Variants in WDTC1 observed in about 807,000 individuals in gnomAD.
The protein encoded by WDTC1 is WD and tetratricopeptide repeats 1, also known as WD and tetratricopeptide repeats protein 1.
Under a neutral mutation model 76.0 loss-of-function variants are expected in WDTC1, and 12 were observed. That is an observed-to-expected ratio of 0.16 (90% confidence interval 0.10 to 0.26). The LOEUF (loss-of-function observed/expected upper bound fraction) is 0.26. WDTC1 is among the 10% of genes least tolerant of loss of function. The pLI is 1.00. For missense variants in WDTC1, 511 were observed against 908.8 expected (o/e 0.56, Z 5.63); for synonymous variants, 326 against 350.8 (o/e 0.93, Z 0.79).
At chr1:27,242,623 C>T (rs748056280) in intron 1 of WDTC1, among the ~76,000 whole-genome samples, 8 of 152,106 alleles carry the variant, frequency 5.3e-5, no homozygotes, top group Non-Finnish European at 8.8e-5. Context: ...GTATGCACCA[C>T]CACGCCTGGC....
chr1:27,299,802 A>G (rs1004660259), intron 12 of WDTC1, among the ~76,000 whole-genome samples: 1 of 152,000 alleles, frequency 6.6e-6, no homozygotes, highest in African/African-American at 2.4e-5. Flanking sequence ...GAGTCTAGGA[A>G]GGGTGAGCCC....
chr1:27,235,054 T>A, intron 1 of WDTC1, 103 bp downstream of exon 1: 1 of 335,610 alleles, frequency 3.0e-6, no homozygotes, highest in Non-Finnish European at 5.4e-6. Context: ...GCTCCAGCCC[T>A]GCCGGCCTGG....
chr1:27,284,777 A>C (rs1045639436), intron 5 of WDTC1, among the ~76,000 whole-genome samples: 7 of 152,024 alleles, frequency 4.6e-5, no homozygotes, highest in South Asian at 2.1e-4. Flanking sequence ...AAAAAAAAAA[A>C]AACAACCTGA....
At chr1:27,251,362 C>T (rs2012054194) in intron 1 of WDTC1, among the ~76,000 whole-genome samples, 2 of 152,062 alleles carry the variant, frequency 1.3e-5, no homozygotes, top group African/African-American at 4.8e-5. Context: ...GTAACATCTG[C>T]ATAGCAACTC....
chr1:27,286,381 A>T, intron 5 of WDTC1, among the ~76,000 whole-genome samples: 1 of 149,764 alleles, frequency 6.7e-6, no homozygotes. Flanking sequence ...CTATTGTCCA[A>T]CATTTGAGCT....
intron 9 of WDTC1, 95 bp from the exon 10 acceptor site, chr1:27,296,231 G>A: frequency 7.1e-7 from 1 of 1,403,178 alleles, no homozygotes; most frequent in Non-Finnish European, 1.0e-6. Context: ...TGTGTTCCAA[G>A]ACTCTAGTTC....
Position 27,239,050 on chromosome 1 carries a change from G to A in WDTC1, c.-100+4099G>A, listed in dbSNP as rs138783155. Among the ~76,000 whole-genome samples, 210 of 145,322 alleles carry A rather than the reference G, an allele frequency of 1.4e-3. 2 individuals are homozygous for A. The highest frequency in any genetic ancestry group is 5.0e-3 in the African/African-American group (195 of 39,084). On this transcript the variant is annotated intron_variant, in intron 1 of 15. Coordinates refer to ENST00000319394, the MANE Select transcript of WDTC1 (RefSeq NM_001276252.2). ...ACAGGGTAGATGGGAAGACAGGTGT[G>A]TGCCATCACGCCTGGCTAATTTTTT...
intron 1 of WDTC1, among the ~76,000 whole-genome samples, chr1:27,248,833 C>CT: frequency 6.6e-6 from 1 of 151,910 alleles, no homozygotes; most frequent in South Asian, 2.1e-4. Context: ...AATTTTTTAA[C>CT]TTTTTTTAGA....
At chr1:27,287,345 G>T (rs896771400) in intron 5 of WDTC1, among the ~76,000 whole-genome samples, 1 of 152,072 alleles carries the variant, frequency 6.6e-6, no homozygotes, top group African/African-American at 2.4e-5. Flanking sequence ...TATTACTGCT[G>T]AACCTCAAGG....
intron 1 of WDTC1, among the ~76,000 whole-genome samples, chr1:27,246,796 A>G (rs1251872666): frequency 6.6e-6 from 1 of 150,740 alleles, no homozygotes; most frequent in Non-Finnish European, 1.5e-5. Flanking sequence ...TCCTGACCTC[A>G]GGTGATCTGC....
chr1:27,266,973 CAAT>C (rs1171632185), intron 3 of WDTC1, among the ~76,000 whole-genome samples: 1 of 152,178 alleles, frequency 6.6e-6, no homozygotes. Context: ...AGTAGATGCT[CAAT>C]AAAAACCTGT....
chr1:27,287,718 C>G lies in WDTC1; in HGVS notation c.336C>G (p.Ala112=). ...ACCGCATCTTGATCACGGGGGCAGC[C>G]GACTCTAAGGTGCATGTGCACGACC... ...AGDRILITGA[A]DSKVHVHDLT... is the part of the protein sequence containing the mutation. Residue 112 remains alanine, a synonymous_variant, in exon 6 of 16, where the codon GCC becomes GCG. Coordinates refer to ENST00000319394, the MANE Select transcript of WDTC1 (RefSeq NM_001276252.2). 1 of 1,614,012 alleles carries G rather than the reference C, an allele frequency of 6.2e-7. No homozygotes were observed. The highest frequency in any genetic ancestry group is 8.5e-7 in the Non-Finnish European group (1 of 1,179,970).
chr1:27,248,658 T>G (rs1473314230), intron 1 of WDTC1, among the ~76,000 whole-genome samples: 1 of 152,140 alleles, frequency 6.6e-6, no homozygotes, highest in Non-Finnish European at 1.5e-5. Flanking sequence ...ACTTAAAAAC[T>G]TTTTATTATT....
At chr1:27,258,947 G>C (rs1168671362) in intron 1 of WDTC1, among the ~76,000 whole-genome samples, 1 of 152,194 alleles carries the variant, frequency 6.6e-6, no homozygotes, top group Non-Finnish European at 1.5e-5. Context: ...TCATTGGGAA[G>C]AAAGACTAAA....
intron 1 of WDTC1, among the ~76,000 whole-genome samples, chr1:27,251,699 T>C (rs1052604136): frequency 4.6e-5 from 7 of 152,074 alleles, no homozygotes; most frequent in African/African-American, 1.4e-4. Flanking sequence ...GGTGCATGCC[T>C]GTAGTCCTAG....
intron 7 of WDTC1, among the ~76,000 whole-genome samples, chr1:27,292,995 G>T (rs1306111875): frequency 6.8e-6 from 1 of 147,598 alleles, no homozygotes; most frequent in African/African-American, 2.5e-5. Context: ...CAGGTGATCT[G>T]CCCGCCTCGG....
At chr1:27,273,707 A>G (rs1437586639) in intron 3 of WDTC1, among the ~76,000 whole-genome samples, 1 of 152,150 alleles carries the variant, frequency 6.6e-6, no homozygotes, top group Non-Finnish European at 1.5e-5. Context: ...GTTAAATAAA[A>G]GAATGACCAA....
rs550434183 is a variant in WDTC1 at position 27,303,979 on chromosome 1, A to G, written c.1643+184A>G. On this transcript the variant is annotated intron_variant, in intron 14 of 15. Coordinates refer to ENST00000319394, the MANE Select transcript of WDTC1 (RefSeq NM_001276252.2). The surrounding 1 kb of genome is among the most constrained non-coding windows in gnomAD (Gnocchi z 4.8). ...TAATCTATGAAATGACCAACCTGCC[A>G]TGCCCATTTATGAGGCCATAACAAG... The G allele has an allele frequency of 1.4e-4, 98 of 704,988 alleles. 1 individual carries two copies. The South Asian group carries it at 1.8e-3, about 13-fold the overall frequency. The allele number at this position is 704,988 out of a possible 1,614,324, so 43.7% of individuals were successfully genotyped here.
intron 6 of WDTC1, among the ~76,000 whole-genome samples, chr1:27,289,316 C>T (rs1382768162): frequency 5.1e-4 from 76 of 150,350 alleles, no homozygotes; most frequent in African/African-American, 1.8e-3. Context: ...GGGGTGGTTG[C>T]CAGGCAGAGG....
Sources: allele counts gnomAD v4.1 joint callset (sites outside exome capture counted in the v4.1 genomes callset), GRCh38; gene constraint gnomAD v4.1.1; non-coding constraint Gnocchi (gnomAD v3.1); transcripts MANE v1.5; gene names NCBI Gene and HGNC (gene_info 2026-07-23, HGNC 2026-07-21).